Variants in ADGRV1 observed in about 807,000 individuals in gnomAD.
The protein encoded by ADGRV1 is adhesion G protein-coupled receptor V1.
In ADGRV1, 359 loss-of-function variants were observed where a neutral mutation model predicts 596.2. That is an observed-to-expected ratio of 0.60 (90% CI 0.55 to 0.66). The LOEUF is 0.66. Among genes scored for constraint, ADGRV1 ranks in the 30% least tolerant of loss-of-function variants. The pLI, the probability that ADGRV1 is intolerant of heterozygous loss-of-function variation, is 0.00. For synonymous variants in ADGRV1, 2,681 were observed against 2,679.2 expected (o/e 1.00, Z -0.02); for missense variants, 7,274 against 7,575.6 (o/e 0.96, Z 1.48).
At chr5:90,943,766 G>A (rs2150871725) in intron 83 of ADGRV1, among the ~76,000 whole-genome samples, 1 of 152,176 alleles carries the variant, frequency 6.6e-6, no homozygotes, top group Middle Eastern at 3.4e-3. Flanking sequence ...CCCTTCCTTT[G>A]TGGTCACATG....
chr5:91,007,072 C>T (rs922342241), intron 85 of ADGRV1, among the ~76,000 whole-genome samples: 18 of 152,300 alleles, frequency 1.2e-4, no homozygotes, highest in African/African-American at 3.9e-4. Context: ...AATGCAAGAG[C>T]GGTTATGCCA....
chr5:90,658,136 G>A lies in ADGRV1; in HGVS notation c.4610G>A (p.Gly1537Glu). The change falls in exon 21 of 90, where the codon GGA (glycine) becomes GAA (glutamate). Residue 1537 changes from glycine to glutamate, a missense_variant. This residue lies in a region of ADGRV1 where 3,643 missense variants were observed against 3,809.2 expected (regional missense o/e 0.96). Coordinates refer to ENST00000405460, the MANE Select transcript of ADGRV1 (RefSeq NM_032119.4). Reference sequence around the variant, plus strand: ...GCAAGAGATGACAATGACGAGGAAGGAGAAGAATTATTCATTCTTAAACTA... The same window carrying A: ...GCAAGAGATGACAATGACGAGGAAGAAGAAGAATTATTCATTCTTAAACTA... ...ISARDDNDEEGEELFILKLVS... is the reference protein window; with the variant it reads ...ISARDDNDEEEEELFILKLVS... The A allele has an allele frequency of 1.2e-6, 2 of 1,613,596 alleles. No individual in the cohort carries two copies. The highest frequency in any genetic ancestry group is 8.5e-7 in the Non-Finnish European group (1 of 1,179,606).
intron 83 of ADGRV1, among the ~76,000 whole-genome samples, chr5:90,962,391 T>A (rs1014681289): frequency 2.0e-5 from 3 of 152,250 alleles, no homozygotes; most frequent in African/African-American, 7.2e-5. Flanking sequence ...TTTCTGTTCA[T>A]GTTCAACTTA....
intron 89 of ADGRV1, among the ~76,000 whole-genome samples, chr5:91,158,591 T>C (rs912821933): frequency 6.6e-6 from 1 of 151,980 alleles, no homozygotes. Context: ...TGTCAGAGAG[T>C]ATGTAATAAT....
intron 75 of ADGRV1, among the ~76,000 whole-genome samples, chr5:90,818,648 CT>C (rs1424237303): frequency 6.6e-6 from 1 of 150,524 alleles, no homozygotes; most frequent in Non-Finnish European, 1.5e-5. Flanking sequence ...TTGTCAAAGG[CT>C]TTTTCTGCAT....
Position 90,788,188 on chromosome 5 carries a change from A to G in ADGRV1, c.13771A>G (p.Thr4591Ala). 1.2e-6 allele frequency: 2 copies of G among 1,613,892 alleles called. No individual in the cohort carries two copies. The highest frequency in any genetic ancestry group is 3.3e-4 in the Middle Eastern group (2 of 6,060). Reference sequence around the variant, plus strand: ...TGGAGAAGGAGAAGGAGGAGTGAGAACCATAATTCTGACAATCTATCCTCA... The same window carrying G: ...TGGAGAAGGAGAAGGAGGAGTGAGAGCCATAATTCTGACAATCTATCCTCA... The part of the protein sequence containing the change: ...YFGEGEGGVR[T>A]IILTIYPHEE... The change falls in exon 68 of 90, where the codon ACC becomes GCC. Residue 4591 changes from threonine to alanine, a missense_variant. By Grantham distance (58) the Thr-to-Ala change is moderately conservative. Around this residue, in one of 5 missense-constraint regions of ADGRV1, gnomAD observed 3,643 missense variants for 3,809.2 expected, o/e 0.96. Transcript: ENST00000405460.
At chr5:90,667,964 C>T (rs1184309828) in intron 21 of ADGRV1, among the ~76,000 whole-genome samples, 6 of 151,924 alleles carry the variant, frequency 3.9e-5, no homozygotes, top group Non-Finnish European at 7.3e-5. Context: ...GCAGTCTGCC[C>T]GTTCTCAGAT....
intron 85 of ADGRV1, among the ~76,000 whole-genome samples, chr5:91,066,699 G>T (rs1787911795): frequency 6.6e-6 from 1 of 152,170 alleles, no homozygotes; most frequent in African/African-American, 2.4e-5. Flanking sequence ...TGATATCCCT[G>T]CCTCCTTTGC....
chr5:90,955,054 T>G (rs1777353296), intron 83 of ADGRV1, among the ~76,000 whole-genome samples: 1 of 152,084 alleles, frequency 6.6e-6, no homozygotes, highest in South Asian at 2.1e-4. Flanking sequence ...GAGCTCGCTT[T>G]TTCTCTCTCT....
chr5:91,027,144 AACACACACACAC>A (rs1184010778), intron 85 of ADGRV1, among the ~76,000 whole-genome samples: 1,757 of 129,210 alleles, frequency 0.014, 36 homozygotes, highest in African/African-American at 0.048. Context: ...ACAGTCTCAA[AACACACACACAC>A]ACACACACAC....
At chr5:90,691,823 T>G (rs1746519712) in intron 31 of ADGRV1, among the ~76,000 whole-genome samples, 1 of 152,196 alleles carries the variant, frequency 6.6e-6, no homozygotes, top group African/African-American at 2.4e-5. Flanking sequence ...GAGAACTTAC[T>G]ATATGAAAAA....
intron 39 of ADGRV1, among the ~76,000 whole-genome samples, chr5:90,709,250 A>C (rs7720923): frequency 1.3e-5 from 2 of 152,064 alleles, no homozygotes; most frequent in South Asian, 4.1e-4. Context: ...AGATGTTTTT[A>C]TTTTCTTTTA....
chr5:91,015,288 T>C (rs568405780), intron 85 of ADGRV1, among the ~76,000 whole-genome samples: 163 of 152,182 alleles, frequency 1.1e-3, no homozygotes, highest in Non-Finnish European at 1.8e-3. Flanking sequence ...CTGATGATTG[T>C]TTTATGTCCA....
chr5:90,901,202 A>C (rs1009272132), intron 83 of ADGRV1, among the ~76,000 whole-genome samples: 6 of 152,184 alleles, frequency 3.9e-5, no homozygotes, highest in Non-Finnish European at 8.8e-5. Flanking sequence ...AGTTAATTTC[A>C]TAGGGATTTA....
chr5:90,615,152 A>G, intron 2 of ADGRV1, 133 bp downstream of exon 2: 1 of 573,822 alleles, frequency 1.7e-6, no homozygotes, highest in Admixed American at 3.5e-5. Flanking sequence ...ATTTGCAGAT[A>G]ATGCTATTCC....
intron 50 of ADGRV1, 98 bp downstream of exon 50, chr5:90,729,862 C>A: frequency 1.6e-6 from 2 of 1,241,416 alleles, no homozygotes; most frequent in Non-Finnish European, 2.3e-6. Flanking sequence ...CATTGCCAGA[C>A]ACTGGGTATT....
chr5:90,766,282 C>T (rs944180239), intron 59 of ADGRV1, among the ~76,000 whole-genome samples: 4 of 151,830 alleles, frequency 2.6e-5, no homozygotes. Context: ...CATTTTTCCT[C>T]TTCTGATTGA....
chr5:90,724,719 G>A (rs1035687414), intron 45 of ADGRV1, 113 bp from the exon 46 acceptor site: 1 of 919,232 alleles, frequency 1.1e-6, no homozygotes, highest in African/African-American at 1.7e-5. Context: ...CGTCATGAAA[G>A]AATTTTCATT....
Position 90,745,601 on chromosome 5 carries a change from C to A in ADGRV1, c.10780C>A (p.Leu3594Met). 1 of 1,608,056 alleles carries A rather than the reference C, an allele frequency of 6.2e-7. No individual in the cohort carries two copies. The highest frequency in any genetic ancestry group is 8.5e-7 in the Non-Finnish European group (1 of 1,176,186). ...HSDFIPSSGE[L>M]IFEPGEREAT... ...TGCTTCTTATGGTAGTTCAGGTGAACTGATATTTGAACCTGGTGAGAGAGA... is the reference window on the plus strand; with the variant it reads ...TGCTTCTTATGGTAGTTCAGGTGAAATGATATTTGAACCTGGTGAGAGAGA... Residue 3594 changes from leucine (L) to methionine (M), a missense_variant, in exon 52 of 90, where the codon CTG (leucine) becomes ATG (methionine). Coordinates refer to ENST00000405460, the MANE Select transcript of ADGRV1 (RefSeq NM_032119.4).
Sources: gnomAD v4.1 joint callset for allele counts (sites outside exome capture counted in the v4.1 genomes callset) on GRCh38, gnomAD v4.1.1 for gene constraint, gnomAD v4.1.1 regional missense constraint, MANE v1.5 for transcripts, NCBI Gene and HGNC (gene_info 2026-07-23, HGNC 2026-07-21) for gene names.